PTPN20: variants seen among roughly 807,000 people sequenced by gnomAD.
PTPN20 encodes tyrosine-protein phosphatase non-receptor type 20.
A neutral mutation model predicts 35.0 loss-of-function variants in PTPN20; 9 were observed. That is an observed-to-expected ratio of 0.26 (90% CI 0.15 to 0.45). The LOEUF (loss-of-function observed/expected upper bound fraction) is 0.45. Among genes scored for constraint, PTPN20 ranks in the 20% least tolerant of loss-of-function variants. The probability of loss-of-function intolerance (pLI) is 1.00; values close to 1 mark genes in which losing one functional copy is unlikely to be tolerated. For synonymous variants in PTPN20, 32 were observed against 100.2 expected, an observed-to-expected ratio of 0.32 and a Z score of 4.06; for missense variants, 111 against 312.5, an observed-to-expected ratio of 0.36 and a Z score of 4.86.
At chr10:46,977,316 A>C (rs1225479085) in intron 7 of PTPN20, among the ~76,000 whole-genome samples, 2 of 152,290 alleles carry the variant, frequency 1.3e-5, no homozygotes, top group Non-Finnish European at 2.9e-5. Flanking sequence ...GTTCTTTAAA[A>C]TAAATCTTTC....
At chr10:46,937,550 G>A (rs1428637156) in intron 2 of PTPN20, among the ~76,000 whole-genome samples, 3,356 of 149,282 alleles carry the variant, frequency 0.022, 22 homozygotes, top group Middle Eastern at 0.06. Flanking sequence ...GCTACTGTGC[G>A]CTTCATTTTG....
Position 46,940,574 on chromosome 10 carries a change from C to G in PTPN20, c.35-49C>G, listed in dbSNP as rs1167233935. ...TCTCATTAAGGCTCCATTTTTCCTTCTGTATAGTGTTTTCTATTTGATCAG... is the reference window on the plus strand; with the variant it reads ...TCTCATTAAGGCTCCATTTTTCCTTGTGTATAGTGTTTTCTATTTGATCAG... On this transcript the variant is annotated intron_variant, in intron 2 of 10. Coordinates refer to ENST00000374339, the MANE Select transcript of PTPN20 (RefSeq NM_001042357.5). 3.9e-6 allele frequency: 6 copies of G among 1,528,144 alleles called. No homozygotes were observed. In the African/African-American group the frequency reaches 7.1e-5, roughly 18 times the overall value. 94.7% of individuals were successfully genotyped at this position (1,528,144 alleles called of 1,614,324 possible). A position where few individuals can be genotyped will look rare whatever the true frequency, so the allele number is the denominator to read the frequency against.
chr10:46,923,821 A>G (rs1468415207), intron 1 of PTPN20, among the ~76,000 whole-genome samples: 1 of 151,544 alleles, frequency 6.6e-6, no homozygotes, highest in Non-Finnish European at 1.5e-5. Flanking sequence ...TCTATACATG[A>G]ACATGAAATA....
intron 3 of PTPN20, among the ~76,000 whole-genome samples, chr10:46,941,287 G>A (rs1326506738): frequency 7.1e-5 from 10 of 141,056 alleles, no homozygotes; most frequent in Admixed American, 7.1e-4. Flanking sequence ...AGTTACAGGA[G>A]TAATAGAGAT....
intron 5 of PTPN20, among the ~76,000 whole-genome samples, chr10:46,947,324 C>T (rs2045211726): frequency 1.3e-5 from 2 of 149,658 alleles, no homozygotes; most frequent in Non-Finnish European, 3.0e-5. Context: ...TCATCCATAA[C>T]CAACATCCCA....
At chr10:46,995,324 T>A (rs1468031175) in intron 9 of PTPN20, among the ~76,000 whole-genome samples, 2 of 128,076 alleles carry the variant, frequency 1.6e-5, no homozygotes, top group Non-Finnish European at 3.3e-5. Flanking sequence ...CCTGTCGAAT[T>A]TTTTTTTTCT....
At chr10:46,948,208 A>T (rs1482823199) in intron 5 of PTPN20, among the ~76,000 whole-genome samples, 1 of 152,102 alleles carries the variant, frequency 6.6e-6, no homozygotes, top group Non-Finnish European at 1.5e-5. Flanking sequence ...TTTCCATTTG[A>T]CACCTTCTTA....
intron 5 of PTPN20, among the ~76,000 whole-genome samples, chr10:46,950,207 A>G (rs1232249820): frequency 6.7e-6 from 1 of 149,952 alleles, no homozygotes; most frequent in Non-Finnish European, 1.5e-5. Flanking sequence ...CTACCAGAAG[A>G]CATATGCAAG....
rs979477943 is a variant in PTPN20, at chr10:46,998,264, C to T, written c.1135-1648C>T. On this transcript the variant is annotated intron_variant, in intron 9 of 10. Coordinates refer to ENST00000374339, the MANE Select transcript of PTPN20 (RefSeq NM_001042357.5). ...AAATTGATGGTTAAATAAAGTGGCA[C>T]ATATCCACATCATGGAATATTATTT... 3.3e-4 allele frequency among the ~76,000 whole-genome samples: 50 copies of T among 152,216 alleles called. 1 individual carries two copies. In the South Asian group the frequency reaches 0.01, roughly 31 times the overall value.
intron 9 of PTPN20, among the ~76,000 whole-genome samples, chr10:46,993,778 A>G (rs991632306): frequency 6.6e-6 from 1 of 152,070 alleles, no homozygotes; most frequent in Non-Finnish European, 1.5e-5. Flanking sequence ...ACGGCTTTTT[A>G]TGAGTTTATC....
intron 9 of PTPN20, among the ~76,000 whole-genome samples, chr10:46,993,183 G>A (rs978861695): frequency 1.5e-4 from 23 of 152,190 alleles, no homozygotes; most frequent in Non-Finnish European, 2.9e-4. Flanking sequence ...GCAGCAGTGG[G>A]GGTGGTGGGA....
At chr10:46,997,110 G>A (rs1008515415) in intron 9 of PTPN20, among the ~76,000 whole-genome samples, 1 of 152,112 alleles carries the variant, frequency 6.6e-6, no homozygotes, top group Admixed American at 6.5e-5. Context: ...CATGAACATG[G>A]TAAGTGTATT....
intron 1 of PTPN20, among the ~76,000 whole-genome samples, chr10:46,923,528 T>C (rs2036100777): frequency 6.7e-6 from 1 of 150,222 alleles, no homozygotes; most frequent in Non-Finnish European, 1.5e-5. Flanking sequence ...ACTACATTTG[T>C]GTGGATATAT....
chr10:46,972,129 C>A (rs2052361749), intron 7 of PTPN20, among the ~76,000 whole-genome samples: 1 of 96,238 alleles, frequency 1.0e-5, no homozygotes, highest in Admixed American at 1.1e-4. Flanking sequence ...CTCTTCAAAG[C>A]ATATTATTAT....
intron 6 of PTPN20, among the ~76,000 whole-genome samples, chr10:46,965,937 A>ATTT (rs2050463710): frequency 8.9e-5 from 1 of 11,290 alleles, no homozygotes. Context: ...TTTTTTTTTG[A>ATTT]GATGAGTCTT....
At chr10:46,954,333 GACT>G (rs2047773042) in intron 5 of PTPN20, among the ~76,000 whole-genome samples, 1 of 148,458 alleles carries the variant, frequency 6.7e-6, no homozygotes, top group African/African-American at 2.6e-5. Flanking sequence ...CTATTCTAAT[GACT>G]TCATTTTAAC....
chr10:46,938,983 A>G (rs1298103835), intron 2 of PTPN20, among the ~76,000 whole-genome samples: 1 of 151,940 alleles, frequency 6.6e-6, no homozygotes, highest in East Asian at 1.9e-4. Flanking sequence ...TGAATATATT[A>G]TTGGCCTGTA....
At position 47,001,136 on chromosome 10, in the gene PTPN20, G is replaced by A. The variant is rs1318729254; in HGVS notation, c.*395G>A. The A allele has an allele frequency of 1.9e-5, 5 of 261,334 alleles. No individual in the cohort carries two copies. The highest frequency in any genetic ancestry group is 2.7e-3 in the Middle Eastern group (2 of 734). 16.2% of individuals were successfully genotyped at this position (261,334 alleles called of 1,614,324 possible). A position where few individuals can be genotyped will look rare whatever the true frequency, so the allele number is the denominator to read the frequency against. ...AGGACTTTGTAAGTTCTTATTCTGG[G>A]AGAACATAAGGCCAATAATCATGAC... On this transcript the variant is annotated 3_prime_UTR_variant, in exon 11 of 11. Coordinates refer to ENST00000374339, the MANE Select transcript of PTPN20 (RefSeq NM_001042357.5).
At chr10:46,999,409 C>T (rs946049649) in intron 9 of PTPN20, among the ~76,000 whole-genome samples, 9 of 152,160 alleles carry the variant, frequency 5.9e-5, no homozygotes, top group African/African-American at 2.2e-4. Flanking sequence ...TTTCTTGACT[C>T]ATTGTGGACC....
Sources: allele counts gnomAD v4.1 joint callset (sites outside exome capture counted in the v4.1 genomes callset), GRCh38; gene constraint gnomAD v4.1.1; transcripts MANE v1.5; gene names NCBI Gene and HGNC (gene_info 2026-07-23, HGNC 2026-07-21).